LRRC37A2: variants seen among roughly 807,000 people sequenced by gnomAD.
LRRC37A2 encodes the protein leucine rich repeat containing 37 member A2, also known as leucine-rich repeat-containing protein 37A2.
LRRC37A2 carries 9 observed loss-of-function variants against 68.8 expected under a neutral mutation model. The observed-to-expected ratio is 0.13, with a 90% confidence interval of 0.08 to 0.23. The LOEUF (loss-of-function observed/expected upper bound fraction) is 0.23, where lower values mean the gene tolerates loss of function less well. Among genes scored for constraint, LRRC37A2 ranks in the 10% least tolerant of loss-of-function variants. LRRC37A2 has a pLI of 1.00. For missense variants in LRRC37A2, 168 were observed against 950.4 expected (o/e 0.18, Z 10.82); for synonymous variants, 63 against 367.6 (o/e 0.17, Z 9.48).
At chr17:46,858,974 T>G in the LRRC37A2 span, among the ~76,000 whole-genome samples, 3 of 148,682 alleles carry the variant, frequency 2.0e-5, no homozygotes, top group Admixed American at 6.8e-5. Flanking sequence ...ACTTATAATT[T>G]TAGCTTTTTT....
chr17:46,732,900 C>G, the LRRC37A2 span, among the ~76,000 whole-genome samples: 9 of 152,332 alleles, frequency 5.9e-5, no homozygotes, highest in South Asian at 2.1e-4. Flanking sequence ...AAGCTCCCAG[C>G]CTGCTTCATC....
the LRRC37A2 span, among the ~76,000 whole-genome samples, chr17:46,942,586 C>G: frequency 6.6e-6 from 1 of 152,168 alleles, no homozygotes; most frequent in African/African-American, 2.4e-5. Flanking sequence ...GACTATAGAG[C>G]TATAAGGTGT....
At chr17:46,808,133 TTC>T in the LRRC37A2 span, among the ~76,000 whole-genome samples, 10 of 152,166 alleles carry the variant, frequency 6.6e-5, no homozygotes, top group Middle Eastern at 3.2e-3. Context: ...ACGCTACCCT[TTC>T]TGTTTCACAG....
the LRRC37A2 span, among the ~76,000 whole-genome samples, chr17:46,784,928 AC>A: frequency 6.6e-6 from 1 of 151,886 alleles, no homozygotes; most frequent in Admixed American, 6.6e-5. Context: ...GGCACCCGCC[AC>A]CATGCCCGGC....
At chr17:46,928,961 CT>C in the LRRC37A2 span, among the ~76,000 whole-genome samples, 2 of 152,220 alleles carry the variant, frequency 1.3e-5, no homozygotes, top group South Asian at 4.2e-4. Flanking sequence ...AGAGCTGCCC[CT>C]CTTTCTGTTT....
At chr17:46,953,171 A>G in the LRRC37A2 span, among the ~76,000 whole-genome samples, 1 of 151,880 alleles carries the variant, frequency 6.6e-6, no homozygotes, top group Admixed American at 6.6e-5. Context: ...AGCATTAGGT[A>G]TATCTCCTAA....
At chr17:46,869,957 C>A in the LRRC37A2 span, among the ~76,000 whole-genome samples, 1 of 151,968 alleles carries the variant, frequency 6.6e-6, no homozygotes, top group African/African-American at 2.4e-5. Context: ...TGAGATCACA[C>A]CACTGCACTC....
the LRRC37A2 span, among the ~76,000 whole-genome samples, chr17:46,805,866 TG>T: frequency 6.6e-6 from 1 of 152,198 alleles, no homozygotes; most frequent in Non-Finnish European, 1.5e-5. Flanking sequence ...GGCTGTGGTG[TG>T]GTGTGGTGTC....
At chr17:46,609,840 T>TC in the LRRC37A2 span, among the ~76,000 whole-genome samples, 9 of 141,938 alleles carry the variant, frequency 6.3e-5, no homozygotes, top group African/African-American at 2.3e-4. Flanking sequence ...TTTTTTTTTT[T>TC]TTTGAGATAG....
chr17:46,953,905 G>T, the LRRC37A2 span, among the ~76,000 whole-genome samples: 1 of 152,018 alleles, frequency 6.6e-6, no homozygotes, highest in African/African-American at 2.4e-5. Flanking sequence ...TTGTAAATTT[G>T]TTTGAGTTCA....
At chr17:46,619,770 TA>T in the LRRC37A2 span, among the ~76,000 whole-genome samples, 4 of 20,864 alleles carry the variant, frequency 1.9e-4, no homozygotes, top group East Asian at 0.01. Flanking sequence ...AGACTCCATC[TA>T]AAAAAAAAAA....
chr17:46,428,961 A>AAAGAAG, the LRRC37A2 span, among the ~76,000 whole-genome samples: 1 of 114,342 alleles, frequency 8.7e-6, no homozygotes, highest in African/African-American at 3.7e-5. Context: ...AAAAAAAAAA[A>AAAGAAG]AAGAAGAAGA....
chr17:46,962,581 G>A, the LRRC37A2 span, among the ~76,000 whole-genome samples: 1 of 152,198 alleles, frequency 6.6e-6, no homozygotes, highest in South Asian at 2.1e-4. Context: ...TAGCTATGCT[G>A]CTGTCTAGAC....
the LRRC37A2 span, among the ~76,000 whole-genome samples, chr17:46,987,752 T>C: frequency 6.6e-6 from 1 of 152,224 alleles, no homozygotes; most frequent in East Asian, 1.9e-4. Flanking sequence ...GATGAAGGGA[T>C]AAGCAAAATG....
the LRRC37A2 span, among the ~76,000 whole-genome samples, chr17:46,778,773 T>C: frequency 6.6e-6 from 1 of 151,964 alleles, no homozygotes; most frequent in African/African-American, 2.4e-5. Flanking sequence ...TGCTGAGCCC[T>C]CGGCTCGAAG....
the LRRC37A2 span, among the ~76,000 whole-genome samples, chr17:46,418,215 T>TTGTG: frequency 0.59 from 36,999 of 62,692 alleles, 17,236 homozygotes; most frequent in East Asian, 1. Flanking sequence ...GTGTGTGTGT[T>TTGTG]TGTGTGTGTG....
the LRRC37A2 span, among the ~76,000 whole-genome samples, chr17:47,035,893 C>T: frequency 1.3e-5 from 2 of 152,192 alleles, no homozygotes; most frequent in African/African-American, 4.8e-5. Flanking sequence ...TTTTGATGGA[C>T]ATTTCCCTAA....
chr17:46,960,043 T>C, the LRRC37A2 span, among the ~76,000 whole-genome samples: 1 of 152,202 alleles, frequency 6.6e-6, no homozygotes, highest in Non-Finnish European at 1.5e-5. Flanking sequence ...TGTCAGCCTC[T>C]CAGGACTGAT....
chr17:46,714,529 C>G, the LRRC37A2 span, among the ~76,000 whole-genome samples: 1 of 152,158 alleles, frequency 6.6e-6, no homozygotes, highest in East Asian at 1.9e-4. Flanking sequence ...TTAACATGGC[C>G]ACTTTCTACC....
Sources: allele counts gnomAD v4.1 joint callset (sites outside exome capture counted in the v4.1 genomes callset), GRCh38; gene constraint gnomAD v4.1.1; transcripts MANE v1.5; gene names NCBI Gene and HGNC (gene_info 2026-07-23, HGNC 2026-07-21).